Variants in LARP4B observed in about 807,000 individuals in gnomAD.
The protein encoded by LARP4B is La ribonucleoprotein 4B, also known as la-related protein 4B.
In LARP4B, 12 loss-of-function variants were observed where a neutral mutation model predicts 89.8. The ratio of observed to expected loss-of-function variants is 0.13; its 90% CI spans 0.09 to 0.22. The LOEUF (loss-of-function observed/expected upper bound fraction) is 0.22, where lower values mean the gene tolerates loss of function less well. LARP4B is among the 10% of genes least tolerant of loss of function. LARP4B has a pLI of 1.00. For synonymous variants in LARP4B, 367 were observed against 363.3 expected, an observed-to-expected ratio of 1.01 and a Z score of -0.12; for missense variants, 757 against 947.7, an observed-to-expected ratio of 0.80 and a Z score of 2.64.
intron 1 of LARP4B, among the ~76,000 whole-genome samples, chr10:896,932 C>G (rs1181576911): frequency 6.6e-6 from 1 of 151,762 alleles, no homozygotes; most frequent in African/African-American, 2.4e-5. Context: ...CCAACAAACC[C>G]CAAATTAAGC....
At chr10:970,748 G>C in the LARP4B span, among the ~76,000 whole-genome samples, 5 of 152,104 alleles carry the variant, frequency 3.3e-5, no homozygotes, top group African/African-American at 1.2e-4. Context: ...TATGGTAACT[G>C]TAAGACCGGA....
intron 15 of LARP4B, 79 bp from the exon 16 acceptor site, chr10:815,149 C>T (rs1339640055): frequency 1.2e-5 from 18 of 1,477,122 alleles, no homozygotes; most frequent in South Asian, 7.1e-5. Flanking sequence ...TCACCCCACC[C>T]GTGAACAGCC....
Position 863,768 on chromosome 10 carries a change from G to T in LARP4B, c.405C>A (p.Asp135Glu), listed in dbSNP as rs1360734553. 6.2e-7 allele frequency: 1 copy of T among 1,612,604 alleles called. No individual in the cohort carries two copies. Reference sequence around the variant, plus strand: ...CTGTCTCGCTATTTTCAGGCAGAGAGTCATATTCTGAGGGACCCAGAGCGA... The same window carrying T: ...CTGTCTCGCTATTTTCAGGCAGAGATTCATATTCTGAGGGACCCAGAGCGA... The part of the protein sequence containing the change: ...NALALGPSEY[D>E]SLPENSETGG... Residue 135 changes from aspartate to glutamate, a missense_variant, in exon 5 of 18, where the codon GAC becomes GAA. Asp to Glu is a conservative substitution (Grantham distance 45, BLOSUM62 2). Coordinates refer to ENST00000316157, the MANE Select transcript of LARP4B (RefSeq NM_015155.3).
At chr10:884,298 T>TTGGTATGGTA in intron 3 of LARP4B, 149 bp downstream of exon 3, 1 of 680,274 alleles carries the variant, frequency 1.5e-6, no homozygotes. Flanking sequence ...TACCCAGGGG[T>TTGGTATGGTA]TGTGGTGATG....
chr10:829,197 C>A (rs1330675213), intron 11 of LARP4B, among the ~76,000 whole-genome samples, 188 bp downstream of exon 11: 2 of 152,226 alleles, frequency 1.3e-5, no homozygotes, highest in Non-Finnish European at 2.9e-5. Flanking sequence ...GTGCTCACAG[C>A]AATCCAAAGT....
At chr10:850,807 A>C (rs976209284) in intron 5 of LARP4B, among the ~76,000 whole-genome samples, 2 of 152,218 alleles carry the variant, frequency 1.3e-5, no homozygotes, top group African/African-American at 4.8e-5. Flanking sequence ...GAAATTAATA[A>C]AAGAAAGATC....
chr10:986,214 T>G, the LARP4B span: 2 of 152,248 alleles, frequency 1.3e-5, no homozygotes, highest in South Asian at 4.1e-4. Flanking sequence ...AGCTTTTTAC[T>G]GAGAAGTGCC....
chr10:958,502 C>G, the LARP4B span, among the ~76,000 whole-genome samples: 1 of 152,216 alleles, frequency 6.6e-6, no homozygotes, highest in Non-Finnish European at 1.5e-5. Flanking sequence ...AGAAAAGCAC[C>G]TGTGTAGCCT....
At chr10:977,522 G>A in the LARP4B span, among the ~76,000 whole-genome samples, 1 of 151,158 alleles carries the variant, frequency 6.6e-6, no homozygotes, top group African/African-American at 2.4e-5. Flanking sequence ...CTGGGTCTGG[G>A]CTACAAAGCA....
chr10:937,249 C>G, the LARP4B span, among the ~76,000 whole-genome samples: 1 of 152,082 alleles, frequency 6.6e-6, no homozygotes, highest in Non-Finnish European at 1.5e-5. Flanking sequence ...CATCATGTTG[C>G]TCAGGCTGGT....
At chr10:980,759 T>G in the LARP4B span, among the ~76,000 whole-genome samples, 2 of 152,216 alleles carry the variant, frequency 1.3e-5, no homozygotes, top group East Asian at 3.9e-4. Flanking sequence ...CCTGGGAAGA[T>G]CTCTGAAATG....
intron 1 of LARP4B, among the ~76,000 whole-genome samples, chr10:899,188 T>G (rs1431460909): frequency 6.6e-6 from 1 of 152,206 alleles, no homozygotes; most frequent in Admixed American, 6.5e-5. Context: ...CTAAAACTGG[T>G]ATTGGATCAA....
chr10:896,319 G>A (rs1239652855), intron 1 of LARP4B, among the ~76,000 whole-genome samples: 2 of 152,036 alleles, frequency 1.3e-5, no homozygotes, highest in African/African-American at 4.8e-5. Flanking sequence ...GTGGAGTTTT[G>A]GTATAGCATC....
At chr10:946,196 T>C in the LARP4B span, among the ~76,000 whole-genome samples, 8 of 152,122 alleles carry the variant, frequency 5.3e-5, no homozygotes, top group Admixed American at 2.0e-4. Flanking sequence ...ACATTTATCG[T>C]TTTTTGGTTG....
At chr10:903,209 T>TG (rs1836392030) in intron 1 of LARP4B, 1 of 152,354 alleles carries the variant, frequency 6.6e-6, no homozygotes, top group Non-Finnish European at 1.5e-5. Context: ...CAGACCCACC[T>TG]GCTCACTGCT....
At chr10:922,010 A>C (rs2132049430) in intron 1 of LARP4B, among the ~76,000 whole-genome samples, 1 of 152,284 alleles carries the variant, frequency 6.6e-6, no homozygotes, top group Non-Finnish European at 1.5e-5. Flanking sequence ...AGCGGTAACC[A>C]ATCTTTTTTG....
chr10:910,098 G>A lies in LARP4B; in HGVS notation c.-40+21330C>T, dbSNP rs111419295. On this transcript the variant is annotated intron_variant, in intron 1 of 17. Transcript: ENST00000316157. Reference sequence around the variant, plus strand: ...TGTTTAGTCATTTTGTTCCTGACTGGCTGCCTTACCCTTATCTTCATGTTC... The same window carrying A: ...TGTTTAGTCATTTTGTTCCTGACTGACTGCCTTACCCTTATCTTCATGTTC... Among the ~76,000 whole-genome samples the A allele has an allele frequency of 8.9e-4, 136 of 152,310 alleles. 1 individual carries two copies. Among genetic ancestry groups the A allele is most frequent in the African/African-American group, 3.0e-3 (123 of 41,574 alleles).
intron 3 of LARP4B, among the ~76,000 whole-genome samples, chr10:868,473 A>G (rs1458190179): frequency 6.6e-6 from 1 of 152,044 alleles, no homozygotes; most frequent in Non-Finnish European, 1.5e-5. Context: ...AACGCTTCGT[A>G]TGAGAATACT....
rs751450148 is a variant in LARP4B at position 814,870 on chromosome 10, T to C, written c.1821-20A>G. Reference sequence around the variant, plus strand: ...GGATCACTGTAAAAATGCCACCCGATATTTGAATCTCATGCAACATCACAG... The same window carrying C: ...GGATCACTGTAAAAATGCCACCCGACATTTGAATCTCATGCAACATCACAG... On this transcript the variant is annotated intron_variant, in intron 16 of 17. Coordinates refer to ENST00000316157, the MANE Select transcript of LARP4B (RefSeq NM_015155.3). The surrounding 1 kb of genome is among the most constrained non-coding windows in gnomAD (Gnocchi z 4.4). The C allele has an allele frequency of 3.8e-6, 6 of 1,582,336 alleles. No homozygotes were observed. In the African/African-American group the frequency reaches 6.7e-5, roughly 18 times the overall value.
Sources: gnomAD v4.1 joint callset for allele counts (sites outside exome capture counted in the v4.1 genomes callset) on GRCh38, gnomAD v4.1.1 for gene constraint, Gnocchi (gnomAD v3.1) non-coding constraint, MANE v1.5 for transcripts, NCBI Gene and HGNC (gene_info 2026-07-23, HGNC 2026-07-21) for gene names.